Variants in MCC observed in about 807,000 individuals in gnomAD.
MCC encodes the protein colorectal mutant cancer protein.
A neutral mutation model predicts 116.2 loss-of-function variants in MCC; 90 were observed. That is an observed-to-expected ratio of 0.77 (90% CI 0.65 to 0.92). MCC has a LOEUF of 0.92. MCC is among the 40% of genes least tolerant of loss of function. The probability of loss-of-function intolerance (pLI) is 0.00; values close to 1 mark genes in which losing one functional copy is unlikely to be tolerated. For missense variants in MCC, 1,516 were observed against 1,312.2 expected (o/e 1.16, Z -2.40); for synonymous variants, 578 against 510.5 (o/e 1.13, Z -1.78).
At chr5:113,113,708 C>G (rs142275066) in intron 6 of MCC, among the ~76,000 whole-genome samples, 2 of 145,550 alleles carry the variant, frequency 1.4e-5, no homozygotes, top group East Asian at 4.2e-4. Context: ...ATCAGATCAT[C>G]AGATTGAGGG....
At chr5:113,262,330 A>AAC (rs1765248441) in intron 3 of MCC, among the ~76,000 whole-genome samples, 1 of 152,140 alleles carries the variant, frequency 6.6e-6, no homozygotes, top group Non-Finnish European at 1.5e-5. Context: ...AAAAAAAACA[A>AAC]GCGAAACCAT....
Position 113,364,264 on chromosome 5 carries a change from G to GAAAAA in MCC, c.415+20699_415+20703dup, listed in dbSNP as rs35759225. Among the ~76,000 whole-genome samples, 64 of 101,938 alleles carry GAAAAA rather than the reference G, an allele frequency of 6.3e-4. 1 individual carries two copies. The highest frequency in any genetic ancestry group is 9.1e-4 in the Non-Finnish European group (48 of 52,926). The allele number at this position is 101,938 out of a possible 152,430, so 66.9% of individuals were successfully genotyped here. ...AAAAAAAAAAAAAAAAAAAAAACCA[G>GAAAAA]AAAAAAAAAAAAAAGGAACTCTAGG... On this transcript the variant is annotated intron_variant, in intron 2 of 18. Coordinates refer to ENST00000408903, the MANE Select transcript of MCC (RefSeq NM_001085377.2).
At chr5:113,214,921 C>T (rs934941536) in intron 3 of MCC, among the ~76,000 whole-genome samples, 1 of 152,188 alleles carries the variant, frequency 6.6e-6, no homozygotes, top group African/African-American at 2.4e-5. Flanking sequence ...CCTGGTTCAG[C>T]CTTACTGGAA....
intron 1 of MCC, among the ~76,000 whole-genome samples, chr5:113,483,085 T>C (rs1772421529): frequency 6.6e-6 from 1 of 152,228 alleles, no homozygotes; most frequent in Non-Finnish European, 1.5e-5. Flanking sequence ...GACATGAATA[T>C]GTAGGTTTAT....
chr5:113,377,324 T>C (rs540874224), intron 2 of MCC, among the ~76,000 whole-genome samples: 1 of 152,174 alleles, frequency 6.6e-6, no homozygotes, highest in South Asian at 2.1e-4. Flanking sequence ...AAGGCCAGCA[T>C]TACTGAAGCT....
chr5:113,203,510 A>G (rs994348773), intron 3 of MCC, among the ~76,000 whole-genome samples: 1 of 151,756 alleles, frequency 6.6e-6, no homozygotes, highest in African/African-American at 2.4e-5. Context: ...TCTCACAACC[A>G]CTTTGCTGAC....
At chr5:113,373,059 G>C (rs1225995881) in intron 2 of MCC, among the ~76,000 whole-genome samples, 1 of 151,944 alleles carries the variant, frequency 6.6e-6, no homozygotes, top group Non-Finnish European at 1.5e-5. Context: ...AGCACCTGTA[G>C]TCTCAGCTAC....
chr5:113,370,991 G>A (rs768354730), intron 2 of MCC, among the ~76,000 whole-genome samples: 12 of 152,316 alleles, frequency 7.9e-5, no homozygotes, highest in Middle Eastern at 3.4e-3. Context: ...GCAGAGGCAG[G>A]TGGATCACTT....
At chr5:113,055,951 C>A (rs566698758) in intron 14 of MCC, among the ~76,000 whole-genome samples, 3 of 152,238 alleles carry the variant, frequency 2.0e-5, no homozygotes, top group African/African-American at 7.2e-5. Context: ...AACATCAACT[C>A]TTCCCTGGGT....
At chr5:113,439,141 G>A (rs183200118) in intron 1 of MCC, among the ~76,000 whole-genome samples, 53 of 152,314 alleles carry the variant, frequency 3.5e-4, no homozygotes, top group African/African-American at 1.0e-3. Context: ...AGACAGAAAT[G>A]TTTCCATGGT....
chr5:113,426,441 C>T (rs988737589), intron 1 of MCC, among the ~76,000 whole-genome samples: 4 of 152,198 alleles, frequency 2.6e-5, no homozygotes, highest in Admixed American at 2.0e-4. Context: ...GCTGTATCCA[C>T]ACAATGTAAT....
At chr5:113,054,329 A>G (rs766933377) in intron 14 of MCC, among the ~76,000 whole-genome samples, 2 of 152,240 alleles carry the variant, frequency 1.3e-5, no homozygotes, top group Non-Finnish European at 2.9e-5. Context: ...GATAATTGTA[A>G]TAAGTGAAAT....
At chr5:113,059,707 G>A (rs1023201309) in intron 14 of MCC, among the ~76,000 whole-genome samples, 2 of 152,242 alleles carry the variant, frequency 1.3e-5, no homozygotes, top group African/African-American at 2.4e-5. Flanking sequence ...TTTCCGTGAT[G>A]CTCTGCTGGA....
intron 3 of MCC, among the ~76,000 whole-genome samples, chr5:113,268,691 G>A (rs1018639950): frequency 1.3e-5 from 2 of 152,114 alleles, no homozygotes; most frequent in African/African-American, 2.4e-5. Flanking sequence ...ATTTAACACC[G>A]CAGAAGCTGC....
intron 2 of MCC, among the ~76,000 whole-genome samples, chr5:113,372,961 G>A (rs751142920): frequency 2.6e-5 from 4 of 152,110 alleles, no homozygotes; most frequent in Non-Finnish European, 5.9e-5. Flanking sequence ...GGCGGTTCAC[G>A]TGGTCAGGAG....
chr5:113,091,057 C>A (rs148881450), intron 8 of MCC, among the ~76,000 whole-genome samples: 8 of 152,160 alleles, frequency 5.3e-5, no homozygotes, highest in East Asian at 1.9e-4. Context: ...CTCTGCCTCA[C>A]GCCTGGAGCC....
At chr5:113,175,260 A>C (rs1257584821) in intron 3 of MCC, among the ~76,000 whole-genome samples, 2 of 152,258 alleles carry the variant, frequency 1.3e-5, no homozygotes, top group Non-Finnish European at 2.9e-5. Flanking sequence ...GATGTAGAAC[A>C]AACAAAATAA....
At chr5:113,120,137 A>G (rs1328978235) in intron 6 of MCC, among the ~76,000 whole-genome samples, 1 of 152,212 alleles carries the variant, frequency 6.6e-6, no homozygotes, top group Non-Finnish European at 1.5e-5. Flanking sequence ...AGCAATTTCT[A>G]GGCTGTTTAA....
In MCC at chr5:113,473,429, C is replaced by T. The variant is rs117483030; in HGVS notation, c.170+14816G>A. ...GTTCCAGCTACTTGGAAGCCTGATG[C>T]GGGAGGGTTACTTGAGCCCAGGAGT... On this transcript the variant is annotated intron_variant, in intron 1 of 18. Coordinates refer to ENST00000408903, the MANE Select transcript of MCC (RefSeq NM_001085377.2). 1.9e-4 allele frequency among the ~76,000 whole-genome samples: 29 copies of T among 152,102 alleles called. No homozygotes were observed. The East Asian group carries it at 3.3e-3, about 17-fold the overall frequency.
Sources: allele counts gnomAD v4.1 joint callset (sites outside exome capture counted in the v4.1 genomes callset), GRCh38; gene constraint gnomAD v4.1.1; transcripts MANE v1.5; gene names NCBI Gene and HGNC (gene_info 2026-07-23, HGNC 2026-07-21).